NELFB: variants seen among roughly 807,000 people sequenced by gnomAD.
NELFB encodes negative elongation factor B.
NELFB carries 34 observed loss-of-function variants against 60.2 expected under a neutral mutation model. The ratio of observed to expected loss-of-function variants is 0.56; its 90% CI spans 0.43 to 0.75. The LOEUF is 0.75. Among genes scored for constraint, NELFB ranks in the 30% least tolerant of loss-of-function variants. NELFB has a pLI of 0.00. For missense variants in NELFB, 770 were observed against 831.6 expected (o/e 0.93, Z 0.91); for synonymous variants, 459 against 382.1 (o/e 1.20, Z -2.35).
Position 137,255,909 on chromosome 9 carries a change from A to G in NELFB, c.249A>G (p.Thr83=), listed in dbSNP as rs143088410. 6.2e-7 allele frequency: 1 copy of G among 1,613,830 alleles called. No individual in the cohort carries two copies. The highest frequency in any genetic ancestry group is 8.5e-7 in the Non-Finnish European group (1 of 1,179,880). The change falls in exon 2 of 13, where the codon ACA becomes ACG. Residue 83 remains threonine, a splice_region_variant and synonymous_variant. Coordinates refer to ENST00000343053, the MANE Select transcript of NELFB (RefSeq NM_015456.5). ...GAGGTTTCTCTTGGCTTCCTCAGAC[A>G]GAGAATGGTGTGCTGCTGCCATCTC...
At chr9:137,258,830 GA>G (rs59837239) in intron 4 of NELFB, among the ~76,000 whole-genome samples, 8 of 150,280 alleles carry the variant, frequency 5.3e-5, no homozygotes, top group Admixed American at 4.0e-4. Flanking sequence ...TCCACATTAA[GA>G]AAAAAAAATG....
Position 137,256,874 on chromosome 9 carries a change from A to G in NELFB, c.561A>G (p.Arg187=). The G allele has an allele frequency of 6.2e-7, 1 of 1,614,188 alleles. No homozygotes were observed. The highest frequency in any genetic ancestry group is 8.5e-7 in the Non-Finnish European group (1 of 1,180,040). The change falls in exon 4 of 13, where the codon CGA becomes CGG. Residue 187 remains arginine (R), a synonymous_variant. Coordinates refer to ENST00000343053, the MANE Select transcript of NELFB (RefSeq NM_015456.5). ...TTATGGCTGACAAGGAGCTGTATCG[A>G]GCCTGCGCCGTGGAGGTGAAGCGGC...
At position 137,255,896 on chromosome 9, in the gene NELFB, G is replaced by T. The variant is rs200129862; in HGVS notation, c.247-11G>T. The T allele has an allele frequency of 6.2e-7, 1 of 1,612,736 alleles. No individual in the cohort carries two copies. Among genetic ancestry groups the T allele is most frequent in the South Asian group, 1.1e-5 (1 of 91,062 alleles). ...CTGGGCTGCGTTTGAGGTTTCTCTT[G>T]GCTTCCTCAGACAGAGAATGGTGTG... On this transcript the variant is annotated splice_polypyrimidine_tract_variant and intron_variant, in intron 1 of 12. Transcript: ENST00000343053.
At chr9:137,265,387 C>CTT (rs66744887) in intron 6 of NELFB, among the ~76,000 whole-genome samples, 9 of 91,830 alleles carry the variant, frequency 9.8e-5, no homozygotes, top group African/African-American at 2.9e-4. Context: ...AAACCTTAAG[C>CTT]TTTTTTTTTT....
intron 6 of NELFB, among the ~76,000 whole-genome samples, chr9:137,265,070 T>C (rs1289352607): frequency 1.4e-5 from 2 of 144,290 alleles, no homozygotes; most frequent in Non-Finnish European, 3.0e-5. Flanking sequence ...ACAGGGTCTC[T>C]GTCACCCAGG....
At position 137,255,876 on chromosome 9, in the gene NELFB, C is replaced by T. The variant is rs767132619; in HGVS notation, c.247-31C>T. 13 of 1,608,276 alleles carry T rather than the reference C, an allele frequency of 8.1e-6. No homozygotes were observed. The Admixed American group carries it at 1.8e-4, about 23-fold the overall frequency. ...CCTCGGGGTGCCCGGGCGCACTGGG[C>T]TGCGTTTGAGGTTTCTCTTGGCTTC... On this transcript the variant is annotated intron_variant, in intron 1 of 12. Transcript: ENST00000343053.
chr9:137,265,683 G>A (rs1459322658), intron 6 of NELFB, among the ~76,000 whole-genome samples, 194 bp from the exon 7 acceptor site: 5 of 151,358 alleles, frequency 3.3e-5, no homozygotes, highest in South Asian at 2.1e-4. Flanking sequence ...CGCCGCGCCC[G>A]GCCTGCCAAA....
chr9:137,267,888 T>G (rs967250081), intron 10 of NELFB, among the ~76,000 whole-genome samples: 3 of 152,242 alleles, frequency 2.0e-5, no homozygotes, highest in African/African-American at 7.2e-5. Flanking sequence ...ATGTAAGAGC[T>G]GTCTTTATTT....
chr9:137,272,059 C>A, intron 10 of NELFB, 22 bp from the exon 11 acceptor site: 1 of 1,613,926 alleles, frequency 6.2e-7, no homozygotes, highest in South Asian at 1.1e-5. Context: ...TGGCACTGGG[C>A]TGATGCCTGC....
rs1454761088 is a variant in NELFB at position 137,255,535 on chromosome 9, G to C, written c.170G>C (p.Gly57Ala). 8.4e-6 allele frequency: 13 copies of C among 1,547,802 alleles called. No individual in the cohort carries two copies. The highest frequency in any genetic ancestry group is 1.1e-5 in the Non-Finnish European group (13 of 1,146,434). ...ATGTTCGCGGGGCTGCAGGACCTGGGCGTGGCCAACGGCGAGGACCTGAAG... is the reference window on the plus strand; with the variant it reads ...ATGTTCGCGGGGCTGCAGGACCTGGCCGTGGCCAACGGCGAGGACCTGAAG... The change falls in exon 1 of 13, where the codon GGC (glycine) becomes GCC (alanine). Residue 57 changes from glycine to alanine, a missense_variant. By Grantham distance (60) the Gly-to-Ala change is moderately conservative. Transcript: ENST00000343053.
chr9:137,271,496 C>T (rs1430807166), intron 10 of NELFB, among the ~76,000 whole-genome samples: 1 of 152,248 alleles, frequency 6.6e-6, no homozygotes, highest in Non-Finnish European at 1.5e-5. Context: ...AAATGTCTGC[C>T]AACACCGTGG....
intron 4 of NELFB, among the ~76,000 whole-genome samples, chr9:137,257,288 G>C (rs111447947): frequency 1.3e-5 from 2 of 152,356 alleles, no homozygotes; most frequent in African/African-American, 4.8e-5. Context: ...TTTAAAATCT[G>C]CGGAAAGCCC....
chr9:137,272,103 C>T lies in NELFB; in HGVS notation c.1512C>T (p.Ala504=). ...CAGTGGAGACCTTTGGCGACTTGGC[C>T]TTTGGCGACATCTTCCTCCACCTGC... Residue 504 remains alanine, a synonymous_variant, in exon 11 of 13, where the codon GCC becomes GCT. Coordinates refer to ENST00000343053, the MANE Select transcript of NELFB (RefSeq NM_015456.5). 1 of 1,614,170 alleles carries T rather than the reference C, an allele frequency of 6.2e-7. No homozygotes were observed. Among genetic ancestry groups the T allele is most frequent in the Middle Eastern group, 1.6e-4 (1 of 6,062 alleles).
chr9:137,273,443 T>G lies in NELFB; in HGVS notation c.*515T>G. ...AGCCCAGTTTGCAGGTGTGGCCTTG[T>G]TTCTCCTTGCCCAGCAGTGCTGCCT... On this transcript the variant is annotated 3_prime_UTR_variant, in exon 13 of 13. Coordinates refer to ENST00000343053, the MANE Select transcript of NELFB (RefSeq NM_015456.5). 1 of 153,524 alleles carries G rather than the reference T, an allele frequency of 6.5e-6. No homozygotes were observed. The highest frequency in any genetic ancestry group is 1.5e-5 in the Non-Finnish European group (1 of 68,882). The allele number at this position is 153,524 out of a possible 1,614,324, so 9.5% of individuals were successfully genotyped here.
chr9:137,266,844 C>G lies in NELFB; in HGVS notation c.1240-100C>G. ...AGAGGAGGGAGGGTCGGTGAGGTATCTGGGGGAGTGGGAGGGCCAGGGGCA... is the reference window on the plus strand; with the variant it reads ...AGAGGAGGGAGGGTCGGTGAGGTATGTGGGGGAGTGGGAGGGCCAGGGGCA... On this transcript the variant is annotated intron_variant, in intron 8 of 12. Transcript: ENST00000343053. 2.2e-6 allele frequency: 3 copies of G among 1,367,928 alleles called. No individual in the cohort carries two copies. The South Asian group carries it at 3.9e-5, about 18-fold the overall frequency. 84.7% of individuals were successfully genotyped at this position (1,367,928 alleles called of 1,614,324 possible).
chr9:137,264,143 A>G lies in NELFB; in HGVS notation c.928-102A>G, dbSNP rs965523656. On this transcript the variant is annotated intron_variant, in intron 5 of 12. Coordinates refer to ENST00000343053, the MANE Select transcript of NELFB (RefSeq NM_015456.5). Reference sequence around the variant, plus strand: ...CCTGCTGCCGCCCCCCGCAGCAGCTATGATTGAACAAGAGGCCAGGGCCTG... The same window carrying G: ...CCTGCTGCCGCCCCCCGCAGCAGCTGTGATTGAACAAGAGGCCAGGGCCTG... 1.8e-5 allele frequency: 15 copies of G among 840,822 alleles called. No homozygotes were observed. The South Asian group carries it at 1.8e-4, about 10-fold the overall frequency. 52.1% of individuals were successfully genotyped at this position (840,822 alleles called of 1,614,324 possible). A position where few individuals can be genotyped will look rare whatever the true frequency, so the allele number is the denominator to read the frequency against.
intron 6 of NELFB, 32 bp downstream of exon 6, chr9:137,264,389 T>C (rs1326133807): frequency 1.3e-6 from 2 of 1,496,224 alleles, no homozygotes; most frequent in Admixed American, 3.9e-5. Context: ...CCTCTGCCCC[T>C]CAGGGCCCTG....
intron 4 of NELFB, among the ~76,000 whole-genome samples, chr9:137,258,260 A>G (rs1588184274): frequency 6.6e-6 from 1 of 150,694 alleles, no homozygotes; most frequent in East Asian, 2.0e-4. Flanking sequence ...AGCAGCTGGG[A>G]CCACCGGTGT....
At chr9:137,265,691 AAAGTGCTGGGATGACAGGCTGAGCCG>A in intron 6 of NELFB, among the ~76,000 whole-genome samples, 160 bp from the exon 7 acceptor site, 1 of 126,734 alleles carries the variant, frequency 7.9e-6, no homozygotes, top group South Asian at 2.9e-4. Flanking sequence ...CCGGCCTGCC[AAAGTGCTGGGATGACAGGCTGAGCCG>A]CCGCGCTCGG....
Sources: allele counts gnomAD v4.1 joint callset (sites outside exome capture counted in the v4.1 genomes callset), GRCh38; gene constraint gnomAD v4.1.1; transcripts MANE v1.5; gene names NCBI Gene and HGNC (gene_info 2026-07-23, HGNC 2026-07-21).